NEK7: variants seen among roughly 807,000 people sequenced by gnomAD.
The protein encoded by NEK7 is serine/threonine-protein kinase Nek7.
A neutral mutation model predicts 44.6 loss-of-function variants in NEK7; 18 were observed. The ratio of observed to expected loss-of-function variants is 0.40; its 90% CI spans 0.28 to 0.60. The LOEUF (loss-of-function observed/expected upper bound fraction) is 0.60, where lower values mean the gene tolerates loss of function less well. NEK7 is among the 20% of genes least tolerant of loss of function. The pLI is 0.38. For synonymous variants in NEK7, 130 were observed against 121.1 expected, an observed-to-expected ratio of 1.07 and a Z score of -0.48; for missense variants, 256 against 366.5, an observed-to-expected ratio of 0.70 and a Z score of 2.46.
chr1:198,321,774 A>G lies in NEK7; in HGVS notation c.*2252A>G, dbSNP rs773099037. The G allele has an allele frequency of 2.6e-5, 4 of 152,180 alleles. No individual in the cohort carries two copies. The highest frequency in any genetic ancestry group is 5.9e-5 in the Non-Finnish European group (4 of 67,980). 9.4% of individuals were successfully genotyped at this position (152,180 alleles called of 1,614,324 possible). On this transcript the variant is annotated 3_prime_UTR_variant, in exon 10 of 10. Coordinates refer to ENST00000367385, the MANE Select transcript of NEK7 (RefSeq NM_133494.3). ...GGAATAATTTCAAAGAACTATGAAG[A>G]TGATTTGAAGCTCTAATTTATATAG...
At chr1:198,269,934 G>A (rs750075305) in intron 5 of NEK7, among the ~76,000 whole-genome samples, 9 of 151,866 alleles carry the variant, frequency 5.9e-5, no homozygotes, top group Non-Finnish European at 1.3e-4. Flanking sequence ...AAGGAAAATC[G>A]ACTCTTACAA....
chr1:198,244,563 C>G (rs760993449), intron 2 of NEK7, among the ~76,000 whole-genome samples: 1 of 151,920 alleles, frequency 6.6e-6, no homozygotes, highest in Admixed American at 6.6e-5. Flanking sequence ...CAGACTGATA[C>G]GTAGAAGTTA....
rs1293135375 is a variant in NEK7, at chr1:198,231,297, GTGTGTATATATATA to G, written c.-28-1254_-28-1241del. 2.9e-3 allele frequency among the ~76,000 whole-genome samples: 261 copies of G among 90,190 alleles called. 1 individual carries two copies. Among genetic ancestry groups the G allele is most frequent in the African/African-American group, 0.014 (250 of 18,358 alleles). 59.2% of individuals were successfully genotyped at this position (90,190 alleles called of 152,430 possible). ...TGTGTGTGTATATACGTGTATGTGTGTGTGTATATATATATATATATATATATATATATATATAT... is the reference window on the plus strand; with the variant it reads ...TGTGTGTGTATATACGTGTATGTGTGTATATATATATATATATATATATAT... On this transcript the variant is annotated intron_variant, in intron 1 of 9. Transcript: ENST00000367385.
intron 1 of NEK7, among the ~76,000 whole-genome samples, chr1:198,222,471 C>G (rs181485089): frequency 2.5e-4 from 38 of 152,292 alleles, no homozygotes; most frequent in Non-Finnish European, 5.0e-4. Flanking sequence ...CTTTGTCCTT[C>G]CTGACACCTG....
At chr1:198,203,560 A>C (rs540391092) in intron 1 of NEK7, among the ~76,000 whole-genome samples, 3 of 152,232 alleles carry the variant, frequency 2.0e-5, no homozygotes, top group African/African-American at 7.2e-5. Flanking sequence ...TATTCCAGAG[A>C]AGGGAAGCTG....
intron 7 of NEK7, among the ~76,000 whole-genome samples, 190 bp from the exon 8 acceptor site, chr1:198,292,755 A>G (rs1157085846): frequency 6.6e-6 from 1 of 151,982 alleles, no homozygotes; most frequent in Admixed American, 6.6e-5. Context: ...TGCAGTTGTT[A>G]GTGTACTATT....
At position 198,303,490 on chromosome 1, in the gene NEK7, GA is replaced by G. The variant is rs1001440295; in HGVS notation, c.798+6259del. On this transcript the variant is annotated intron_variant, in intron 9 of 9. Transcript: ENST00000367385. Reference sequence around the variant, plus strand: ...GAAAAGAACTGCTTTATGTAAATATGAAAAAAAAACAAGATGAAAGTGTCAG... The same window carrying G: ...GAAAAGAACTGCTTTATGTAAATATGAAAAAAAACAAGATGAAAGTGTCAG... Among the ~76,000 whole-genome samples, 9 of 148,820 alleles carry G rather than the reference GA, an allele frequency of 6.0e-5. No individual in the cohort carries two copies. In the East Asian group the frequency reaches 1.4e-3, roughly 23 times the overall value.
chr1:198,304,212 A>G (rs770845419), intron 9 of NEK7, among the ~76,000 whole-genome samples: 23 of 152,164 alleles, frequency 1.5e-4, no homozygotes, highest in Non-Finnish European at 2.5e-4. Context: ...AACTTTCTGT[A>G]AGACTTTCAC....
At chr1:198,186,443 A>G (rs1664928016) in intron 1 of NEK7, among the ~76,000 whole-genome samples, 1 of 152,208 alleles carries the variant, frequency 6.6e-6, no homozygotes, top group African/African-American at 2.4e-5. Context: ...GCCAGTTATC[A>G]TACAGGCTGG....
chr1:198,248,396 A>C (rs1470323806), intron 2 of NEK7, among the ~76,000 whole-genome samples: 2 of 152,186 alleles, frequency 1.3e-5, no homozygotes, highest in Non-Finnish European at 1.5e-5. Flanking sequence ...ACAATCAGTA[A>C]AATTTATAAC....
intron 7 of NEK7, among the ~76,000 whole-genome samples, chr1:198,285,697 G>A (rs1654346182): frequency 6.6e-6 from 1 of 151,940 alleles, no homozygotes; most frequent in Admixed American, 6.6e-5. Context: ...CAAAGGGACA[G>A]GGAAATGTAA....
chr1:198,252,881 A>T (rs1653118142), intron 2 of NEK7, among the ~76,000 whole-genome samples, 159 bp from the exon 3 acceptor site: 1 of 151,876 alleles, frequency 6.6e-6, no homozygotes, highest in South Asian at 2.1e-4. Flanking sequence ...AGTGTGTAGG[A>T]CAGTGCCTGG....
chr1:198,272,126 C>T (rs1350435323), intron 5 of NEK7, among the ~76,000 whole-genome samples: 1 of 151,196 alleles, frequency 6.6e-6, no homozygotes, highest in Non-Finnish European at 1.5e-5. Context: ...AGTTTGAAGT[C>T]GAAGCAGTAT....
chr1:198,214,893 T>G (rs1201009237), intron 1 of NEK7, among the ~76,000 whole-genome samples: 2 of 151,964 alleles, frequency 1.3e-5, no homozygotes, highest in African/African-American at 4.8e-5. Flanking sequence ...CTACCTAAAG[T>G]CAATGTGAAA....
At chr1:198,172,860 T>C (rs1402121808) in intron 1 of NEK7, among the ~76,000 whole-genome samples, 1 of 152,248 alleles carries the variant, frequency 6.6e-6, no homozygotes, top group Non-Finnish European at 1.5e-5. Flanking sequence ...CCCTCAATTC[T>C]TGATTAAATC....
chr1:198,278,329 T>C (rs1246666796), intron 6 of NEK7, among the ~76,000 whole-genome samples: 1 of 151,468 alleles, frequency 6.6e-6, no homozygotes, highest in African/African-American at 2.4e-5. Flanking sequence ...ATCAAATATA[T>C]ATAAGGAAGA....
At chr1:198,231,902 G>A (rs866838613) in intron 1 of NEK7, among the ~76,000 whole-genome samples, 8 of 152,054 alleles carry the variant, frequency 5.3e-5, no homozygotes, top group African/African-American at 1.9e-4. Flanking sequence ...AGAAACACGT[G>A]GTGTTGAGTA....
chr1:198,266,768 A>G (rs926783457), intron 5 of NEK7, among the ~76,000 whole-genome samples: 1 of 152,116 alleles, frequency 6.6e-6, no homozygotes, highest in Non-Finnish European at 1.5e-5. Context: ...GTACAAATGT[A>G]TGTGCACATA....
chr1:198,213,940 C>T (rs1665849165), intron 1 of NEK7, among the ~76,000 whole-genome samples: 1 of 152,148 alleles, frequency 6.6e-6, no homozygotes, highest in Admixed American at 6.5e-5. Flanking sequence ...AAAAAGTGCA[C>T]ATCACTGGGG....
Sources: allele counts gnomAD v4.1 joint callset (sites outside exome capture counted in the v4.1 genomes callset), GRCh38; gene constraint gnomAD v4.1.1; transcripts MANE v1.5; gene names NCBI Gene and HGNC (gene_info 2026-07-23, HGNC 2026-07-21).